NCKAP5: variants seen among roughly 807,000 people sequenced by gnomAD.
NCKAP5 encodes NCK associated protein 5.
NCKAP5 carries 92 observed loss-of-function variants against 167.0 expected under a neutral mutation model. The ratio of observed to expected loss-of-function variants is 0.55; its 90% CI spans 0.47 to 0.66. The LOEUF (loss-of-function observed/expected upper bound fraction) is 0.66, where lower values mean the gene tolerates loss of function less well. Ranked by LOEUF, NCKAP5 falls within the 30% of genes least tolerant of loss-of-function variation. The pLI, the probability that NCKAP5 is intolerant of heterozygous loss-of-function variation, is 0.00. For missense variants in NCKAP5, 2,378 were observed against 2,315.0 expected (o/e 1.03, Z -0.56); for synonymous variants, 891 against 877.4 (o/e 1.02, Z -0.27).
chr2:132,991,235 G>C (rs150463989), intron 7 of NCKAP5, among the ~76,000 whole-genome samples: 60 of 152,264 alleles, frequency 3.9e-4, no homozygotes, highest in Non-Finnish European at 7.6e-4. Flanking sequence ...AATTGTTGTG[G>C]AGACTGAATG....
At chr2:133,602,592 A>G in the NCKAP5 span, among the ~76,000 whole-genome samples, 5 of 152,200 alleles carry the variant, frequency 3.3e-5, no homozygotes, top group African/African-American at 7.2e-5. Flanking sequence ...GGCATTTTCC[A>G]TGAAGGGCCA....
At chr2:133,547,360 C>A (rs1188834439) in intron 2 of NCKAP5, among the ~76,000 whole-genome samples, 2 of 151,940 alleles carry the variant, frequency 1.3e-5, no homozygotes, top group Non-Finnish European at 2.9e-5. Flanking sequence ...GAAGCTCGAA[C>A]TGGGTGGAGC....
At chr2:133,470,854 C>T (rs1323636054) in intron 3 of NCKAP5, among the ~76,000 whole-genome samples, 2 of 152,252 alleles carry the variant, frequency 1.3e-5, no homozygotes, top group African/African-American at 2.4e-5. Context: ...GAGGCAATGC[C>T]TCACCCTGCT....
intron 11 of NCKAP5, among the ~76,000 whole-genome samples, chr2:132,811,719 G>T (rs921849317): frequency 3.3e-5 from 5 of 152,178 alleles, no homozygotes; most frequent in African/African-American, 1.2e-4. Context: ...AAGAAAAAAG[G>T]CTTGGTTCTT....
chr2:132,848,201 A>G (rs1688810852), intron 11 of NCKAP5, among the ~76,000 whole-genome samples: 2 of 152,238 alleles, frequency 1.3e-5, no homozygotes, highest in Non-Finnish European at 2.9e-5. Flanking sequence ...AGGGTACCCA[A>G]GAACATCTCA....
At chr2:133,341,002 T>C (rs1373634718) in intron 3 of NCKAP5, among the ~76,000 whole-genome samples, 1 of 152,170 alleles carries the variant, frequency 6.6e-6, no homozygotes, top group Non-Finnish European at 1.5e-5. Context: ...ACTCTAGCTG[T>C]TCATACATCT....
At chr2:133,669,895 G>C in the NCKAP5 span, among the ~76,000 whole-genome samples, 1 of 152,298 alleles carries the variant, frequency 6.6e-6, no homozygotes, top group South Asian at 2.1e-4. Flanking sequence ...CTTCAGCAAT[G>C]ATCCAGAGAT....
chr2:132,785,843 A>T, intron 13 of NCKAP5, 125 bp from the exon 14 acceptor site: 1 of 656,540 alleles, frequency 1.5e-6, no homozygotes, highest in Non-Finnish European at 2.2e-6. Flanking sequence ...ATAAATGCCT[A>T]CATTAATTAG....
chr2:133,299,232 T>C (rs905194725), intron 4 of NCKAP5, among the ~76,000 whole-genome samples: 1 of 152,066 alleles, frequency 6.6e-6, no homozygotes, highest in Admixed American at 6.6e-5. Flanking sequence ...TTAAAACATA[T>C]AGCACTTTAC....
chr2:132,813,982 G>A (rs1055871616), intron 11 of NCKAP5, among the ~76,000 whole-genome samples: 30 of 152,114 alleles, frequency 2.0e-4, no homozygotes, highest in African/African-American at 7.0e-4. Flanking sequence ...AATGACTTTC[G>A]TGATGTGCAC....
At chr2:133,469,350 C>A (rs1004180317) in intron 3 of NCKAP5, among the ~76,000 whole-genome samples, 1 of 152,066 alleles carries the variant, frequency 6.6e-6, no homozygotes, top group Non-Finnish European at 1.5e-5. Context: ...CCACTCTCTT[C>A]TGGCTTGTAG....
intron 3 of NCKAP5, among the ~76,000 whole-genome samples, chr2:133,379,318 C>G (rs1006460316): frequency 6.6e-6 from 1 of 152,168 alleles, no homozygotes; most frequent in African/African-American, 2.4e-5. Context: ...CTTGTCCTTG[C>G]ATGTCCTTTG....
intron 4 of NCKAP5, among the ~76,000 whole-genome samples, chr2:133,243,291 T>C (rs2087813556): frequency 6.6e-6 from 1 of 152,086 alleles, no homozygotes; most frequent in South Asian, 2.1e-4. Flanking sequence ...CTAATCAAAT[T>C]GTGGATGTAT....
intron 8 of NCKAP5, among the ~76,000 whole-genome samples, chr2:132,913,608 A>AGAT (rs1208034170): frequency 6.6e-6 from 1 of 152,194 alleles, no homozygotes; most frequent in Non-Finnish European, 1.5e-5. Context: ...TTAGCATTAT[A>AGAT]GATGTAAATG....
At chr2:133,075,161 C>A (rs79919379) in intron 6 of NCKAP5, among the ~76,000 whole-genome samples, 1 of 151,962 alleles carries the variant, frequency 6.6e-6, no homozygotes, top group Non-Finnish European at 1.5e-5. Flanking sequence ...ATTTGAATAC[C>A]TTTAGATTTC....
chr2:133,340,332 T>C (rs919647379), intron 3 of NCKAP5, among the ~76,000 whole-genome samples: 6 of 152,202 alleles, frequency 3.9e-5, no homozygotes, highest in Non-Finnish European at 8.8e-5. Context: ...TCTTCAAGAA[T>C]GTGCAGAGAA....
intron 8 of NCKAP5, among the ~76,000 whole-genome samples, chr2:132,941,983 T>C (rs1697334318): frequency 1.3e-5 from 2 of 152,190 alleles, no homozygotes; most frequent in South Asian, 4.1e-4. Flanking sequence ...AAATATGAAA[T>C]GAAGCAATTA....
chr2:133,156,008 C>A (rs901691016), intron 5 of NCKAP5, among the ~76,000 whole-genome samples: 2 of 152,348 alleles, frequency 1.3e-5, no homozygotes, highest in East Asian at 3.9e-4. Flanking sequence ...ACTCCCTATA[C>A]AGCTCTTAAG....
At chr2:133,198,429 C>A (rs2085532536) in intron 5 of NCKAP5, among the ~76,000 whole-genome samples, 1 of 152,018 alleles carries the variant, frequency 6.6e-6, no homozygotes, top group Admixed American at 6.6e-5. Context: ...AAGAATAACT[C>A]TAATGACTGT....
Sources: allele counts gnomAD v4.1 joint callset (sites outside exome capture counted in the v4.1 genomes callset), GRCh38; gene constraint gnomAD v4.1.1; transcripts MANE v1.5; gene names NCBI Gene and HGNC (gene_info 2026-07-23, HGNC 2026-07-21).